Variants in OXR1 observed in about 807,000 individuals in gnomAD.
OXR1 encodes the protein oxidation resistance protein 1.
In OXR1, 41 loss-of-function variants were observed where a neutral mutation model predicts 104.6. The observed-to-expected ratio is 0.39, with a 90% confidence interval of 0.31 to 0.51. OXR1 has a LOEUF of 0.51. Ranked by LOEUF, OXR1 falls within the 20% of genes least tolerant of loss-of-function variation. The pLI, the probability that OXR1 is intolerant of heterozygous loss-of-function variation, is 0.77. For missense variants in OXR1, 955 were observed against 1,031.9 expected, an observed-to-expected ratio of 0.93 and a Z score of 1.02; for synonymous variants, 348 against 348.4, an observed-to-expected ratio of 1.00 and a Z score of 0.01.
At chr8:106,326,024 C>A (rs1287645814) in intron 1 of OXR1, among the ~76,000 whole-genome samples, 1 of 152,154 alleles carries the variant, frequency 6.6e-6, no homozygotes, top group Non-Finnish European at 1.5e-5. Context: ...TGTGATTGAT[C>A]TTTTACCCTA....
At chr8:106,329,985 C>T (rs2130219650) in intron 1 of OXR1, among the ~76,000 whole-genome samples, 1 of 152,074 alleles carries the variant, frequency 6.6e-6, no homozygotes, top group African/African-American at 2.4e-5. Context: ...GTTGGCTATT[C>T]TCTGACCCCT....
At chr8:106,400,386 T>C (rs1219702370) in intron 2 of OXR1, among the ~76,000 whole-genome samples, 1 of 152,138 alleles carries the variant, frequency 6.6e-6, no homozygotes, top group Non-Finnish European at 1.5e-5. Context: ...CATTGGGTTT[T>C]GTTATTCTGG....
intron 2 of OXR1, among the ~76,000 whole-genome samples, chr8:106,487,371 T>G (rs1810746980): frequency 1.3e-5 from 2 of 151,264 alleles, no homozygotes; most frequent in South Asian, 4.2e-4. Context: ...GTTTATTTTT[T>G]AATTTTTATG....
At chr8:106,349,730 C>G (rs1815644445) in intron 1 of OXR1, among the ~76,000 whole-genome samples, 1 of 152,024 alleles carries the variant, frequency 6.6e-6, no homozygotes, top group South Asian at 2.1e-4. Context: ...CCCTGGAAGT[C>G]AAGGGTTACA....
chr8:106,582,218 A>G (rs1372903462), intron 3 of OXR1, among the ~76,000 whole-genome samples: 1 of 146,902 alleles, frequency 6.8e-6, no homozygotes, highest in Non-Finnish European at 1.5e-5. Flanking sequence ...GAACATATAT[A>G]TATATATGAA....
At chr8:106,371,529 T>G (rs1306970207) in intron 2 of OXR1, among the ~76,000 whole-genome samples, 1 of 152,198 alleles carries the variant, frequency 6.6e-6, no homozygotes, top group Non-Finnish European at 1.5e-5. Context: ...ATGTGGGCAT[T>G]TAGTGCTATA....
At chr8:106,434,478 C>A (rs1819493914) in intron 2 of OXR1, among the ~76,000 whole-genome samples, 1 of 152,014 alleles carries the variant, frequency 6.6e-6, no homozygotes. Flanking sequence ...AGAATAGTAG[C>A]TTTTATGTGC....
intron 3 of OXR1, among the ~76,000 whole-genome samples, chr8:106,660,340 T>C (rs1825632892): frequency 6.6e-6 from 1 of 152,260 alleles, no homozygotes. Context: ...TCCTTTAGAA[T>C]GAGTGTCTGT....
At chr8:106,342,196 T>G (rs1815280732) in intron 1 of OXR1, among the ~76,000 whole-genome samples, 3 of 152,046 alleles carry the variant, frequency 2.0e-5, no homozygotes, top group African/African-American at 7.2e-5. Context: ...CTTAATCTGA[T>G]GTCTTCTCTT....
intron 3 of OXR1, among the ~76,000 whole-genome samples, chr8:106,568,467 C>A (rs527243108): frequency 2.6e-5 from 4 of 152,154 alleles, no homozygotes; most frequent in Non-Finnish European, 5.9e-5. Flanking sequence ...ATGTACTAGA[C>A]GGATGATAAA....
intron 2 of OXR1, among the ~76,000 whole-genome samples, chr8:106,500,227 C>T (rs899099605): frequency 2.6e-5 from 4 of 152,224 alleles, no homozygotes; most frequent in Admixed American, 2.6e-4. Flanking sequence ...GTTTTATACT[C>T]AGTACCTGTT....
chr8:106,334,284 C>A lies in OXR1; in HGVS notation c.-138-25192C>A, dbSNP rs114052010. Among the ~76,000 whole-genome samples the A allele has an allele frequency of 9.2e-3, 1,402 of 152,228 alleles. 27 individuals carry two copies. The highest frequency in any genetic ancestry group is 0.031 in the African/African-American group (1,288 of 41,550). On this transcript the variant is annotated intron_variant, in intron 1 of 16. Coordinates refer to ENST00000517566, the MANE Select transcript of OXR1 (RefSeq NM_001198533.2). ...TGTTCATTGGTAGTGTATGGAAATA[C>A]AACTGAACTTTGTGAATTGATCTTG...
intron 8 of OXR1, among the ~76,000 whole-genome samples, chr8:106,704,337 T>A (rs1830896834): frequency 6.6e-6 from 1 of 150,698 alleles, no homozygotes; most frequent in African/African-American, 2.4e-5. Context: ...AGAGAGTCAT[T>A]GGTGAGATTC....
intron 1 of OXR1, among the ~76,000 whole-genome samples, chr8:106,293,578 C>T (rs2130052580): frequency 6.6e-6 from 1 of 152,316 alleles, no homozygotes; most frequent in African/African-American, 2.4e-5. Flanking sequence ...GCTGCTATAA[C>T]AGAATATCTG....
At chr8:106,465,948 T>G (rs1377353227) in intron 2 of OXR1, among the ~76,000 whole-genome samples, 1 of 152,022 alleles carries the variant, frequency 6.6e-6, no homozygotes, top group Non-Finnish European at 1.5e-5. Flanking sequence ...TCAAATTTAT[T>G]CATTTGCAAA....
rs879588211 is a variant in OXR1 at position 106,510,645 on chromosome 8, C to T, written c.24-8298C>T. Among the ~76,000 whole-genome samples, 6 of 152,124 alleles carry T rather than the reference C, an allele frequency of 3.9e-5. No homozygotes were observed. In the East Asian group the frequency reaches 1.2e-3, roughly 29 times the overall value. On this transcript the variant is annotated intron_variant, in intron 2 of 16. Coordinates refer to ENST00000517566, the MANE Select transcript of OXR1 (RefSeq NM_001198533.2). ...TATATAATTATTATTATTCTTTATA[C>T]TGGCCTAGCCCTTCACAGAGTTAAA...
At chr8:106,678,576 C>G (rs1827828799) in intron 3 of OXR1, among the ~76,000 whole-genome samples, 2 of 151,902 alleles carry the variant, frequency 1.3e-5, no homozygotes, top group South Asian at 4.1e-4. Flanking sequence ...TAAAGGGAAG[C>G]AGTTTCGCTA....
intron 16 of OXR1, among the ~76,000 whole-genome samples, chr8:106,746,655 T>C (rs1278404030): frequency 1.3e-5 from 2 of 152,240 alleles, no homozygotes; most frequent in Non-Finnish European, 2.9e-5. Context: ...TAACAAATTT[T>C]CTTACAACTT....
intron 1 of OXR1, among the ~76,000 whole-genome samples, chr8:106,313,781 C>T (rs958311161): frequency 2.6e-5 from 4 of 152,104 alleles, no homozygotes; most frequent in African/African-American, 9.7e-5. Context: ...GTGTAAGACT[C>T]ACTGCCATAT....
Sources: allele counts gnomAD v4.1 joint callset (sites outside exome capture counted in the v4.1 genomes callset), GRCh38; gene constraint gnomAD v4.1.1; transcripts MANE v1.5; gene names NCBI Gene and HGNC (gene_info 2026-07-23, HGNC 2026-07-21).